Variants in ZNF469 observed in about 807,000 individuals in gnomAD.
The protein encoded by ZNF469 is zinc finger protein 469.
ZNF469 carries 1 observed loss-of-function variant against 1.0 expected under a neutral mutation model. The observed-to-expected ratio is 1.00, with a 90% CI of 0.35 to 4.73. The LOEUF (loss-of-function observed/expected upper bound fraction) is 4.73. Ranked by LOEUF, ZNF469 falls within the 30% of genes most tolerant of loss-of-function variation. ZNF469 has a pLI of 0.16. For synonymous variants in ZNF469, 2,703 were observed against 2,363.4 expected, an observed-to-expected ratio of 1.14 and a Z score of -4.17; for missense variants, 6,100 against 5,356.3, an observed-to-expected ratio of 1.14 and a Z score of -4.33.
the ZNF469 span, among the ~76,000 whole-genome samples, chr16:88,262,708 G>A: frequency 3.3e-5 from 5 of 152,142 alleles, no homozygotes; most frequent in Non-Finnish European, 5.9e-5. This position sits in a 1 kb window ranked among gnomAD's most constrained non-coding sequence, Gnocchi z 4.3. Flanking sequence ...CTGCCCTCAC[G>A]CATCTCGGAA....
chr16:88,147,044 C>T, the ZNF469 span, among the ~76,000 whole-genome samples: 1 of 152,118 alleles, frequency 6.6e-6, no homozygotes, highest in Non-Finnish European at 1.5e-5. Context: ...CAAACATGTG[C>T]CCTCACGTGG....
chr16:88,152,282 G>A, the ZNF469 span, among the ~76,000 whole-genome samples: 1 of 152,154 alleles, frequency 6.6e-6, no homozygotes, highest in African/African-American at 2.4e-5. The surrounding 1 kb of genome is among the most constrained non-coding windows in gnomAD (Gnocchi z 4.2). Flanking sequence ...CTCTGAGATG[G>A]GCTTTGGCGT....
chr16:88,324,011 T>C, the ZNF469 span, among the ~76,000 whole-genome samples: 1 of 152,180 alleles, frequency 6.6e-6, no homozygotes, highest in African/African-American at 2.4e-5. Flanking sequence ...TCAATGGTTG[T>C]CAGGGCCTGC....
chr16:88,331,456 C>A, the ZNF469 span, among the ~76,000 whole-genome samples: 22 of 151,964 alleles, frequency 1.4e-4, no homozygotes, highest in South Asian at 4.6e-3. Flanking sequence ...TAATCACCAC[C>A]ATCATCACTA....
At chr16:88,380,920 TCA>T (rs1268844581), upstream of ZNF469, among the ~76,000 whole-genome samples, 3 of 60,758 alleles carry the variant, frequency 4.9e-5, no homozygotes, top group Admixed American at 1.8e-4. Flanking sequence ...AGACATGCAC[TCA>T]CACAGACACG....
chr16:88,252,037 C>T, the ZNF469 span, among the ~76,000 whole-genome samples: 3 of 150,032 alleles, frequency 2.0e-5, no homozygotes, highest in African/African-American at 7.3e-5. Context: ...ATTTCCACAG[C>T]TCTGCCAGCT....
chr16:88,341,150 C>T, the ZNF469 span, among the ~76,000 whole-genome samples: 1 of 152,228 alleles, frequency 6.6e-6, no homozygotes, highest in Admixed American at 6.5e-5. Context: ...CACATCTCTA[C>T]CTATTTTGTA....
the ZNF469 span, among the ~76,000 whole-genome samples, chr16:88,325,192 C>T: frequency 4.5e-5 from 5 of 110,970 alleles, no homozygotes; most frequent in East Asian, 1.1e-3. Context: ...CACCTGCACA[C>T]TCCAGGTGGT....
chr16:88,132,054 C>A, the ZNF469 span, among the ~76,000 whole-genome samples: 1 of 152,246 alleles, frequency 6.6e-6, no homozygotes, highest in African/African-American at 2.4e-5. Context: ...TCTCCATCGG[C>A]TTTGAATCAC....
chr16:88,160,916 G>T, the ZNF469 span, among the ~76,000 whole-genome samples: 1 of 152,342 alleles, frequency 6.6e-6, no homozygotes, highest in Middle Eastern at 3.4e-3. Context: ...GCCGAGGTGG[G>T]CGGATCATTT....
the ZNF469 span, among the ~76,000 whole-genome samples, chr16:88,214,208 C>T: frequency 6.6e-6 from 1 of 152,170 alleles, no homozygotes; most frequent in African/African-American, 2.4e-5. Context: ...TAGGATACCC[C>T]CCGAAGGATT....
At chr16:88,406,487 G>A (rs1015223807) in intron 1 of ZNF469, among the ~76,000 whole-genome samples, 6 of 152,214 alleles carry the variant, frequency 3.9e-5, no homozygotes, top group African/African-American at 4.8e-5. Context: ...GGTAGCCTGC[G>A]CCTGCCGCCT....
At chr16:88,324,701 G>T in the ZNF469 span, among the ~76,000 whole-genome samples, 1 of 152,228 alleles carries the variant, frequency 6.6e-6, no homozygotes, top group African/African-American at 2.4e-5. Flanking sequence ...GAATTAAGGG[G>T]AAGGTTATTC....
At chr16:88,183,145 T>C in the ZNF469 span, among the ~76,000 whole-genome samples, 2 of 152,288 alleles carry the variant, frequency 1.3e-5, no homozygotes, top group African/African-American at 4.8e-5. Flanking sequence ...GAAATTAACA[T>C]TGAAAGCATT....
chr16:88,334,052 C>CTGTGTGTGCATGTGTGTCTCTGTGTGTT, the ZNF469 span, among the ~76,000 whole-genome samples: 7 of 149,708 alleles, frequency 4.7e-5, no homozygotes, highest in Non-Finnish European at 8.9e-5. Context: ...CTCTGTGTGT[C>CTGTGTGTGCATGTGTGTCTCTGTGTGTT]TGTGTCTGTG....
the ZNF469 span, among the ~76,000 whole-genome samples, chr16:88,312,852 C>T: frequency 3.1e-4 from 47 of 152,246 alleles, no homozygotes; most frequent in Non-Finnish European, 5.6e-4. Context: ...AGTAGCTTTG[C>T]AAGCCATGCT....
the ZNF469 span, among the ~76,000 whole-genome samples, chr16:88,160,334 C>G: frequency 1.3e-5 from 2 of 152,302 alleles, no homozygotes; most frequent in South Asian, 2.1e-4. Flanking sequence ...TTGAAGTGAC[C>G]TCCCATTGAC....
chr16:88,162,794 A>C, the ZNF469 span, among the ~76,000 whole-genome samples: 1 of 152,206 alleles, frequency 6.6e-6, no homozygotes, highest in African/African-American at 2.4e-5. Flanking sequence ...CTTTATATAA[A>C]GGTACAAGTG....
chr16:88,253,713 A>G, the ZNF469 span, among the ~76,000 whole-genome samples: 3 of 151,702 alleles, frequency 2.0e-5, no homozygotes, highest in Admixed American at 2.0e-4. Context: ...TAATTTTTGT[A>G]TTTTTAGTAG....
Sources: gnomAD v4.1 joint callset for allele counts (sites outside exome capture counted in the v4.1 genomes callset) on GRCh38, gnomAD v4.1.1 for gene constraint, Gnocchi (gnomAD v3.1) non-coding constraint, MANE v1.5 for transcripts, NCBI Gene and HGNC (gene_info 2026-07-23, HGNC 2026-07-21) for gene names.